The following PRKAR2A variants were observed in gnomAD, a reference collection of about 807,000 sequenced individuals.
PRKAR2A encodes protein kinase cAMP-dependent type II regulatory subunit alpha.
PRKAR2A carries 29 observed loss-of-function variants against 51.9 expected under a neutral mutation model. The ratio of observed to expected loss-of-function variants is 0.56; its 90% CI spans 0.42 to 0.76. PRKAR2A has a LOEUF of 0.76. PRKAR2A is among the 30% of genes least tolerant of loss of function. PRKAR2A has a pLI of 0.00. For synonymous variants in PRKAR2A, 178 were observed against 186.2 expected, an observed-to-expected ratio of 0.96 and a Z score of 0.36; for missense variants, 445 against 512.1, an observed-to-expected ratio of 0.87 and a Z score of 1.26.
At position 48,758,189 on chromosome 3, in the gene PRKAR2A, T is replaced by G. The variant is rs1290165958; in HGVS notation, c.874-1745A>C. On this transcript the variant is annotated intron_variant, in intron 8 of 10. Coordinates refer to ENST00000265563, the MANE Select transcript of PRKAR2A (RefSeq NM_004157.4). ...ACAAGAATCACTTAAACCTGGGAGG[T>G]GGAGGTTGCAGTGATCCGAGGTTGC... 2.1e-5 allele frequency among the ~76,000 whole-genome samples: 3 copies of G among 144,492 alleles called. No individual in the cohort carries two copies. In the Admixed American group the frequency reaches 2.1e-4, roughly 10 times the overall value. The allele number at this position is 144,492 out of a possible 152,430, so 94.8% of individuals were successfully genotyped here. A position where few individuals can be genotyped will look rare whatever the true frequency, so the allele number is the denominator to read the frequency against.
intron 1 of PRKAR2A, among the ~76,000 whole-genome samples, chr3:48,836,419 T>TA (rs548970318): frequency 7.8e-4 from 44 of 56,092 alleles, no homozygotes; most frequent in African/African-American, 2.5e-3. Flanking sequence ...AGACTCCGTC[T>TA]AAAAAAAAAA....
chr3:48,788,652 T>C (rs2082333979), intron 4 of PRKAR2A, among the ~76,000 whole-genome samples: 1 of 152,146 alleles, frequency 6.6e-6, no homozygotes, highest in Non-Finnish European at 1.5e-5. Context: ...TACATGATCA[T>C]GAATGGGATT....
chr3:48,776,895 AAATT>A (rs1281770442), intron 5 of PRKAR2A, among the ~76,000 whole-genome samples: 2 of 152,190 alleles, frequency 1.3e-5, no homozygotes, highest in Non-Finnish European at 2.9e-5. Flanking sequence ...CAGATTAAAA[AAATT>A]AAATCACACA....
Position 48,751,608 on chromosome 3 carries a change from C to A in PRKAR2A, c.1192G>T (p.Asp398Tyr). 1 of 1,612,962 alleles carries A rather than the reference C, an allele frequency of 6.2e-7. No individual in the cohort carries two copies. Among genetic ancestry groups the A allele is most frequent in the Non-Finnish European group, 8.5e-7 (1 of 1,179,420 alleles). Reference sequence around the variant, plus strand: ...ACCTACTGCCCGAGGTTGCCCAGATCCACGCTGGAGCCAAACATCTTCACC... The same window carrying A: ...ACCTACTGCCCGAGGTTGCCCAGATACACGCTGGAGCCAAACATCTTCACC... ...QLVKMFGSSV[D>Y]LGNLGQ The change falls in exon 11 of 11, where the codon GAT becomes TAT. Residue 398 changes from aspartate to tyrosine, a missense_variant. By Grantham distance (160) the Asp-to-Tyr change is radical. Transcript: ENST00000265563.
intron 2 of PRKAR2A, among the ~76,000 whole-genome samples, chr3:48,802,289 G>GC (rs2082602863): frequency 6.6e-6 from 1 of 152,064 alleles, no homozygotes; most frequent in Admixed American, 6.6e-5. Context: ...TGATCCACTC[G>GC]CCTTGGCCTC....
At chr3:48,782,888 A>G in intron 5 of PRKAR2A, 98 bp downstream of exon 5, 1 of 858,906 alleles carries the variant, frequency 1.2e-6, no homozygotes, top group Non-Finnish European at 1.9e-6. Context: ...CCTGGCCCTT[A>G]GCCTCTCTGG....
intron 8 of PRKAR2A, among the ~76,000 whole-genome samples, chr3:48,763,931 CAT>C (rs1320395320): frequency 1.3e-5 from 2 of 152,156 alleles, no homozygotes; most frequent in Admixed American, 1.3e-4. Flanking sequence ...GAGTAGACAT[CAT>C]ATTTTTGTTA....
intron 9 of PRKAR2A, among the ~76,000 whole-genome samples, chr3:48,755,236 T>G (rs541888371): frequency 3.3e-5 from 5 of 152,116 alleles, no homozygotes; most frequent in African/African-American, 1.2e-4. Flanking sequence ...GACCTCGTGA[T>G]CTGCCCGCCT....
chr3:48,804,004 A>T (rs1344177053), intron 2 of PRKAR2A, among the ~76,000 whole-genome samples: 3 of 152,260 alleles, frequency 2.0e-5, no homozygotes, highest in South Asian at 4.1e-4. Flanking sequence ...ATATAGCATG[A>T]TTGCTGGTAT....
At chr3:48,837,805 GAA>G (rs575962722) in intron 1 of PRKAR2A, among the ~76,000 whole-genome samples, 2 of 130,140 alleles carry the variant, frequency 1.5e-5, no homozygotes, top group Non-Finnish European at 1.7e-5. Flanking sequence ...GTGGAAAAAG[GAA>G]AAAAAAAAAA....
At chr3:48,793,441 C>T (rs762315313) in intron 3 of PRKAR2A, among the ~76,000 whole-genome samples, 2 of 152,062 alleles carry the variant, frequency 1.3e-5, no homozygotes, top group African/African-American at 2.4e-5. Context: ...TTGTTGTTGT[C>T]GTTGTTATTT....
intron 5 of PRKAR2A, 108 bp downstream of exon 5, chr3:48,782,878 C>A (rs748345078): frequency 1.0e-5 from 8 of 762,176 alleles, no homozygotes; most frequent in South Asian, 8.3e-5. Flanking sequence ...AGCTTGTTCA[C>A]CTGGCCCTTA....
At chr3:48,779,549 G>A (rs2107277412) in intron 5 of PRKAR2A, among the ~76,000 whole-genome samples, 1 of 151,874 alleles carries the variant, frequency 6.6e-6, no homozygotes, top group African/African-American at 2.4e-5. Flanking sequence ...GGGAGGCCAA[G>A]GCGGGTGGAT....
chr3:48,774,171 A>C (rs1231856665), intron 5 of PRKAR2A, among the ~76,000 whole-genome samples: 1 of 151,884 alleles, frequency 6.6e-6, no homozygotes, highest in Non-Finnish European at 1.5e-5. Flanking sequence ...TATTTTACAT[A>C]ATTTATGGCG....
chr3:48,842,862 G>C (rs2083401865), intron 1 of PRKAR2A, among the ~76,000 whole-genome samples: 1 of 152,174 alleles, frequency 6.6e-6, no homozygotes, highest in Non-Finnish European at 1.5e-5. Flanking sequence ...CAAGGATATT[G>C]GTCTAAAACT....
intron 4 of PRKAR2A, among the ~76,000 whole-genome samples, chr3:48,788,572 G>A (rs1339791712): frequency 3.3e-5 from 5 of 152,118 alleles, no homozygotes; most frequent in Admixed American, 6.6e-5. Context: ...TGAACTAAAT[G>A]TTTATGTCAC....
intron 1 of PRKAR2A, among the ~76,000 whole-genome samples, chr3:48,839,574 T>C (rs926463603): frequency 6.6e-6 from 1 of 152,176 alleles, no homozygotes; most frequent in Non-Finnish European, 1.5e-5. Context: ...TATAATACTT[T>C]ATACTTTGAA....
At chr3:48,802,695 TCA>T (rs2082609586) in intron 2 of PRKAR2A, among the ~76,000 whole-genome samples, 2 of 152,236 alleles carry the variant, frequency 1.3e-5, no homozygotes, top group South Asian at 4.1e-4. Flanking sequence ...ACAGCCAGAC[TCA>T]GTCTCAGAAT....
intron 4 of PRKAR2A, among the ~76,000 whole-genome samples, chr3:48,785,285 G>A (rs1185598297): frequency 7.2e-6 from 1 of 138,936 alleles, no homozygotes; most frequent in East Asian, 2.1e-4. Flanking sequence ...TTTTGAGACA[G>A]AGTCTCGCTC....
Sources: gnomAD v4.1 joint callset for allele counts (sites outside exome capture counted in the v4.1 genomes callset) on GRCh38, gnomAD v4.1.1 for gene constraint, MANE v1.5 for transcripts, NCBI Gene and HGNC (gene_info 2026-07-23, HGNC 2026-07-21) for gene names.